The following ARIH2 variants were observed in gnomAD, a reference collection of about 807,000 sequenced individuals.
ARIH2 encodes the protein E3 ubiquitin-protein ligase ARIH2.
A neutral mutation model predicts 79.8 loss-of-function variants in ARIH2; 12 were observed. The ratio of observed to expected loss-of-function variants is 0.15; its 90% CI spans 0.10 to 0.24. The LOEUF is 0.24. Ranked by LOEUF, ARIH2 falls within the 10% of genes least tolerant of loss-of-function variation. The probability of loss-of-function intolerance (pLI) is 1.00; values close to 1 mark genes in which losing one functional copy is unlikely to be tolerated. For synonymous variants in ARIH2, 224 were observed against 213.9 expected, an observed-to-expected ratio of 1.05 and a Z score of -0.41; for missense variants, 301 against 618.3, an observed-to-expected ratio of 0.49 and a Z score of 5.44.
At chr3:48,981,987 G>A (rs2092768036) in intron 14 of ARIH2, among the ~76,000 whole-genome samples, 1 of 152,258 alleles carries the variant, frequency 6.6e-6, no homozygotes, top group Non-Finnish European at 1.5e-5. Flanking sequence ...AAAAAGGTCT[G>A]TGGCCAGTGG....
At chr3:48,970,344 A>G (rs755137564) in intron 7 of ARIH2, among the ~76,000 whole-genome samples, 2 of 152,216 alleles carry the variant, frequency 1.3e-5, no homozygotes, top group Non-Finnish European at 2.9e-5. Flanking sequence ...GGCAGGAGCC[A>G]CTATGCCTGG....
At chr3:48,928,039 G>A in intron 3 of ARIH2, 1 of 543,746 alleles carries the variant, frequency 1.8e-6, no homozygotes, top group South Asian at 2.5e-5. Flanking sequence ...AGAAAGTAGG[G>A]GTGGGACAGA....
intron 7 of ARIH2, among the ~76,000 whole-genome samples, chr3:48,970,312 C>G (rs1361647258): frequency 6.6e-6 from 1 of 152,214 alleles, no homozygotes; most frequent in Non-Finnish European, 1.5e-5. Context: ...CCACCTCAGC[C>G]TCCTGAGTAG....
chr3:48,978,363 G>A (rs952376948), intron 11 of ARIH2, among the ~76,000 whole-genome samples: 2 of 145,318 alleles, frequency 1.4e-5, no homozygotes, highest in East Asian at 2.0e-4. Flanking sequence ...ACCAGTTCTC[G>A]TGCTTCAGCC....
chr3:48,919,161 A>C (rs1375487524), intron 1 of ARIH2, 163 bp downstream of exon 1: 3 of 1,300,610 alleles, frequency 2.3e-6, no homozygotes, highest in Non-Finnish European at 2.9e-6. Context: ...ACCCGCCGTC[A>C]GCGGCCGGGC....
At chr3:48,971,013 T>C (rs564135220) in intron 8 of ARIH2, among the ~76,000 whole-genome samples, 1 of 152,368 alleles carries the variant, frequency 6.6e-6, no homozygotes, top group African/African-American at 2.4e-5. Flanking sequence ...CACATATTAC[T>C]GTGTTTGAAA....
Position 48,924,593 on chromosome 3 carries a change from A to G in ARIH2, c.-98+1782A>G, listed in dbSNP as rs533955703. The G allele has an allele frequency of 4.2e-4, 64 of 151,994 alleles. 1 individual carries two copies. Among genetic ancestry groups the G allele is most frequent in the Middle Eastern group, 6.8e-3 (2 of 292 alleles). 9.4% of individuals were successfully genotyped at this position (151,994 alleles called of 1,614,324 possible). On this transcript the variant is annotated intron_variant, in intron 2 of 15. Coordinates refer to ENST00000356401, the MANE Select transcript of ARIH2 (RefSeq NM_006321.4). ...GAGTGCAGTGGCATGATCTTGGCTC[A>G]CTGCAACCTCCTCCCTGGTTCAAGT...
At chr3:48,946,908 T>C (rs1322121607) in intron 3 of ARIH2, among the ~76,000 whole-genome samples, 10 of 152,164 alleles carry the variant, frequency 6.6e-5, no homozygotes, top group African/African-American at 2.2e-4. Flanking sequence ...CCCCCACTTT[T>C]CTACCTTGCT....
At chr3:48,931,629 T>A (rs1208956880) in intron 3 of ARIH2, among the ~76,000 whole-genome samples, 1 of 151,970 alleles carries the variant, frequency 6.6e-6, no homozygotes, top group Non-Finnish European at 1.5e-5. Context: ...AGAATCTCAC[T>A]ATGTTGCCCA....
chr3:48,928,653 A>G (rs2106941152), intron 3 of ARIH2, among the ~76,000 whole-genome samples: 1 of 152,194 alleles, frequency 6.6e-6, no homozygotes, highest in South Asian at 2.1e-4. Context: ...AATAAATTTT[A>G]TTGGAACTTA....
intron 3 of ARIH2, among the ~76,000 whole-genome samples, chr3:48,940,808 A>AAAAAAAAAAAAAAAAATATATATAT (rs759369585): frequency 1.0e-5 from 1 of 98,046 alleles, no homozygotes; most frequent in African/African-American, 4.1e-5. Flanking sequence ...AAAAAAAAAA[A>AAAAAAAAAAAAAAAAATATATATAT]ATATATATAT....
At chr3:48,921,780 C>A (rs2084862130) in intron 1 of ARIH2, among the ~76,000 whole-genome samples, 1 of 151,102 alleles carries the variant, frequency 6.6e-6, no homozygotes, top group Admixed American at 6.6e-5. Flanking sequence ...AAGACAGGGT[C>A]TCACTCTGTC....
chr3:48,983,127 G>T, intron 15 of ARIH2, 72 bp from the exon 16 acceptor site: 2 of 1,575,592 alleles, frequency 1.3e-6, no homozygotes, highest in Non-Finnish European at 1.7e-6. Flanking sequence ...CCTGGAGGGT[G>T]TTTGTGGCTT....
intron 2 of ARIH2, among the ~76,000 whole-genome samples, chr3:48,925,924 T>G (rs2085527667): frequency 6.6e-6 from 1 of 152,126 alleles, no homozygotes; most frequent in Non-Finnish European, 1.5e-5. Flanking sequence ...TTCACCACGT[T>G]GGCCAGGATG....
At chr3:48,948,637 A>G (rs1230580974) in intron 3 of ARIH2, among the ~76,000 whole-genome samples, 4 of 152,204 alleles carry the variant, frequency 2.6e-5, no homozygotes, top group East Asian at 1.9e-4. Flanking sequence ...TATTAAATGT[A>G]TACAACTATG....
chr3:48,921,422 G>T, intron 1 of ARIH2: 2 of 148,096 alleles, frequency 1.4e-5, no homozygotes, highest in African/African-American at 2.5e-5. Flanking sequence ...AAAAGCCTGT[G>T]GGCAATTTCT....
intron 6 of ARIH2, 97 bp from the exon 7 acceptor site, chr3:48,968,437 G>A (rs545866690): frequency 1.5e-5 from 18 of 1,233,562 alleles, no homozygotes; most frequent in Middle Eastern, 2.0e-4. Context: ...TCGAACTCCC[G>A]ACCTCAGGTG....
chr3:48,951,966 TC>T (rs2090014209), intron 3 of ARIH2, among the ~76,000 whole-genome samples: 1 of 152,140 alleles, frequency 6.6e-6, no homozygotes. Context: ...GTCATCTTTT[TC>T]TAGCTTCCCT....
chr3:48,936,812 G>A (rs1424103555), intron 3 of ARIH2, among the ~76,000 whole-genome samples: 10 of 151,760 alleles, frequency 6.6e-5, no homozygotes, highest in African/African-American at 2.4e-4. Context: ...GGCGGATCAC[G>A]AGGTCAGGAG....
Sources: allele counts gnomAD v4.1 joint callset (sites outside exome capture counted in the v4.1 genomes callset), GRCh38; gene constraint gnomAD v4.1.1; transcripts MANE v1.5; gene names NCBI Gene and HGNC (gene_info 2026-07-23, HGNC 2026-07-21).